The following NCALD variants were observed in gnomAD, a reference collection of about 807,000 sequenced individuals.
NCALD encodes the protein neurocalcin delta.
NCALD carries 10 observed loss-of-function variants against 18.6 expected under a neutral mutation model. That is an observed-to-expected ratio of 0.54 (90% CI 0.33 to 0.91). NCALD has a LOEUF of 0.91. Ranked by LOEUF, NCALD falls within the 40% of genes least tolerant of loss-of-function variation. The pLI is 0.03. For synonymous variants in NCALD, 88 were observed against 87.4 expected, an observed-to-expected ratio of 1.01 and a Z score of -0.04; for missense variants, 184 against 247.6, an observed-to-expected ratio of 0.74 and a Z score of 1.72.
At chr8:101,896,573 C>T (rs1448621223) in intron 3 of NCALD, among the ~76,000 whole-genome samples, 1 of 151,930 alleles carries the variant, frequency 6.6e-6, no homozygotes, top group Non-Finnish European at 1.5e-5. Flanking sequence ...TCAGAGTAAA[C>T]AGGCAACCTA....
intron 4 of NCALD, among the ~76,000 whole-genome samples, chr8:101,851,422 AT>A (rs1375932444): frequency 2.0e-5 from 3 of 152,146 alleles, no homozygotes; most frequent in Non-Finnish European, 4.4e-5. Context: ...AGCATTTAGC[AT>A]TGTCACCCAC....
chr8:101,986,040 CTTTTT>C (rs1376629579), intron 2 of NCALD, among the ~76,000 whole-genome samples: 1 of 151,600 alleles, frequency 6.6e-6, no homozygotes, highest in African/African-American at 2.4e-5. Context: ...CTTTCCTTTT[CTTTTT>C]TCTATTTTTT....
chr8:102,094,436 T>C (rs1033616571), intron 1 of NCALD, among the ~76,000 whole-genome samples: 2 of 152,206 alleles, frequency 1.3e-5, no homozygotes, highest in African/African-American at 4.8e-5. Flanking sequence ...GTGATCTGCC[T>C]AAGGTATCTC....
intron 2 of NCALD, among the ~76,000 whole-genome samples, chr8:101,948,966 T>G (rs1337119674): frequency 6.6e-6 from 1 of 152,202 alleles, no homozygotes; most frequent in African/African-American, 2.4e-5. Flanking sequence ...GAACAGGACC[T>G]GGCATGTACC....
intron 3 of NCALD, among the ~76,000 whole-genome samples, chr8:101,913,506 A>C (rs1178345216): frequency 6.6e-6 from 1 of 152,060 alleles, no homozygotes; most frequent in East Asian, 1.9e-4. Flanking sequence ...TAAAAATTGG[A>C]AGGTATACCT....
chr8:102,100,198 T>C (rs753686996), intron 1 of NCALD, among the ~76,000 whole-genome samples: 2 of 152,168 alleles, frequency 1.3e-5, no homozygotes, highest in Admixed American at 6.5e-5. Flanking sequence ...TCAGCATACA[T>C]AGCACACAAA....
At chr8:101,899,921 T>G (rs1817359328) in intron 3 of NCALD, among the ~76,000 whole-genome samples, 1 of 151,938 alleles carries the variant, frequency 6.6e-6, no homozygotes, top group Admixed American at 6.5e-5. Context: ...TTTTATTTTC[T>G]AGAAGAGGTT....
intron 2 of NCALD, among the ~76,000 whole-genome samples, chr8:102,002,262 G>C (rs374481180): frequency 1.3e-5 from 2 of 152,088 alleles, no homozygotes; most frequent in African/African-American, 4.8e-5. Flanking sequence ...AACCAACAAA[G>C]ATCAAAAGAG....
chr8:101,825,097 T>C (rs1177480974), intron 4 of NCALD, among the ~76,000 whole-genome samples: 2 of 152,228 alleles, frequency 1.3e-5, no homozygotes, highest in Non-Finnish European at 2.9e-5. Flanking sequence ...TATCCCACCC[T>C]GCAGTGATTC....
Position 102,080,222 on chromosome 8 carries a change from AAG to A in NCALD, c.-210+44013_-210+44014del, listed in dbSNP as rs1824481516. ...TGTTTGCTATTTCGACTTCTCACTT[AAG>A]AGTTCCATTATTCCGTACAACCCCA... On this transcript the variant is annotated intron_variant, in intron 1 of 6. Transcript: ENST00000311028. 2.6e-5 allele frequency among the ~76,000 whole-genome samples: 4 copies of A among 152,300 alleles called. No homozygotes were observed. The South Asian group carries it at 8.3e-4, about 32-fold the overall frequency.
Position 101,810,092 on chromosome 8 carries a change from T to C in NCALD, c.-20+77049A>G, listed in dbSNP as rs111425290. Among the ~76,000 whole-genome samples, 871 of 152,312 alleles carry C rather than the reference T, an allele frequency of 5.7e-3. 11 individuals carry two copies. Among genetic ancestry groups the C allele is most frequent in the African/African-American group, 0.018 (765 of 41,570 alleles). ...AGCAATTCTAAAATTGATCTCCAGCTTAAAGTCACACATTTTGTTGAGTTT... is the reference window on the plus strand; with the variant it reads ...AGCAATTCTAAAATTGATCTCCAGCCTAAAGTCACACATTTTGTTGAGTTT... On this transcript the variant is annotated intron_variant, in intron 4 of 6. Coordinates refer to the NCALD transcript ENST00000311028.
chr8:101,839,177 A>G (rs1448657745), intron 4 of NCALD, among the ~76,000 whole-genome samples: 1 of 152,180 alleles, frequency 6.6e-6, no homozygotes, highest in African/African-American at 2.4e-5. Flanking sequence ...TGTATGTTGA[A>G]CCACTGGAAT....
At chr8:101,924,606 T>G (rs1016583680) in intron 2 of NCALD, among the ~76,000 whole-genome samples, 3 of 152,192 alleles carry the variant, frequency 2.0e-5, no homozygotes, top group African/African-American at 7.2e-5. Flanking sequence ...AAGCTAAATA[T>G]ACACACAACA....
chr8:101,691,032 G>A, intron 3 of NCALD: 1 of 985,428 alleles, frequency 1.0e-6, no homozygotes, highest in Non-Finnish European at 1.2e-6. Flanking sequence ...TCGGAGGCCA[G>A]AAGTTAGATT....
In NCALD at chr8:101,691,425, T is replaced by C. The variant is rs190281840; in HGVS notation, c.484+1366A>G. On this transcript the variant is annotated intron_variant, in intron 3 of 3. Transcript: ENST00000220931. ...AGTGGAAAGACCCTAATTCATTGCC[T>C]GTGATCAACACACAGTTAGGGCTTT... The C allele has an allele frequency of 2.9e-4, 288 of 985,332 alleles. 2 individuals carry two copies. The African/African-American group carries it at 4.7e-3, about 16-fold the overall frequency. The allele number at this position is 985,332 out of a possible 1,614,324, so 61.0% of individuals were successfully genotyped here.
At chr8:101,858,077 T>A (rs140177179) in intron 4 of NCALD, among the ~76,000 whole-genome samples, 245 of 152,248 alleles carry the variant, frequency 1.6e-3, no homozygotes, top group East Asian at 7.5e-3. Flanking sequence ...ACAAACTTCA[T>A]GTTAAAAATG....
chr8:101,734,735 T>C (rs979679532), intron 1 of NCALD, among the ~76,000 whole-genome samples: 2 of 152,176 alleles, frequency 1.3e-5, no homozygotes, highest in African/African-American at 4.8e-5. Flanking sequence ...CAATGCTTTG[T>C]GGTAAAAACC....
intron 1 of NCALD, among the ~76,000 whole-genome samples, chr8:102,120,044 T>G (rs1825899201): frequency 6.6e-6 from 1 of 152,236 alleles, no homozygotes; most frequent in African/African-American, 2.4e-5. Flanking sequence ...CTTTAAATAC[T>G]CTGTTCACAA....
chr8:101,989,863 G>T (rs984174393), intron 2 of NCALD, among the ~76,000 whole-genome samples: 2 of 152,158 alleles, frequency 1.3e-5, no homozygotes, highest in Admixed American at 1.3e-4. Context: ...ATAAGAAAAA[G>T]AATTTGCATT....
Sources: allele counts gnomAD v4.1 joint callset (sites outside exome capture counted in the v4.1 genomes callset), GRCh38; gene constraint gnomAD v4.1.1; transcripts MANE v1.5; gene names NCBI Gene and HGNC (gene_info 2026-07-23, HGNC 2026-07-21).